HEXIM2: variants seen among roughly 807,000 people sequenced by gnomAD.
The protein encoded by HEXIM2 is protein HEXIM2.
For synonymous variants in HEXIM2, 159 were observed against 162.7 expected (o/e 0.98, Z 0.17); for missense variants, 413 against 390.8 (o/e 1.06, Z -0.48).
chr17:45,160,965 C>T, upstream of HEXIM2: 1 of 1,289,416 alleles, frequency 7.8e-7, no homozygotes, highest in Non-Finnish European at 1.0e-6. Context: ...GCACTGGGAT[C>T]TCCGCTCTCG....
rs773266071 is a variant in HEXIM2, at chr17:45,168,998, C to T, written c.67-17C>T. ...CAGGCTGTCTGATCCATCCTTCTTC[C>T]TCCTCCCTCTCTTTAGACCTCTGGT... is the stretch of plus-strand genomic sequence containing the variant. On this transcript the variant is annotated splice_polypyrimidine_tract_variant and intron_variant, in intron 3 of 3. Coordinates refer to ENST00000589230, the MANE Select transcript of HEXIM2 (RefSeq NM_001303441.2). 31 of 1,580,476 alleles carry T rather than the reference C, an allele frequency of 2.0e-5. No individual in the cohort carries two copies. In the South Asian group the frequency reaches 3.0e-4, roughly 15 times the overall value.
rs1345852600 is a variant in HEXIM2 at position 45,162,805 on chromosome 17, T to A, written c.12T>A (p.Thr4=). Residue 4 remains threonine (T), a synonymous_variant, in exon 3 of 4, where the codon ACT becomes ACA. Transcript: ENST00000589230. Reference sequence around the variant, plus strand: ...ATTTGGAACAGAAGATGATGGCCACTCCGAACCAGACCGCCTGTAATGCAG... The same window carrying A: ...ATTTGGAACAGAAGATGATGGCCACACCGAACCAGACCGCCTGTAATGCAG... MMA[T]PNQTACNAES... is the part of the protein sequence containing the mutation. 11 of 1,613,760 alleles carry A rather than the reference T, an allele frequency of 6.8e-6. No individual in the cohort carries two copies. In the Admixed American group the frequency reaches 1.7e-4, roughly 24 times the overall value.
At chr17:45,167,404 T>G (rs921993657) in intron 3 of HEXIM2, among the ~76,000 whole-genome samples, 2 of 152,130 alleles carry the variant, frequency 1.3e-5, no homozygotes, top group Admixed American at 1.3e-4. Context: ...TGGGGCCCAG[T>G]GCAAAAGGGC....
intron 3 of HEXIM2, among the ~76,000 whole-genome samples, chr17:45,164,043 G>A (rs914770998): frequency 2.0e-5 from 3 of 150,938 alleles, no homozygotes; most frequent in African/African-American, 4.9e-5. Flanking sequence ...TAATCCCAGC[G>A]ACTCAGGAGG....
intron 3 of HEXIM2, among the ~76,000 whole-genome samples, chr17:45,167,024 CAA>C (rs58258565): frequency 0.23 from 15,394 of 67,140 alleles, 972 homozygotes; most frequent in Middle Eastern, 0.32. Flanking sequence ...GACTCTGTCT[CAA>C]AAAAAAAAAA....
upstream of HEXIM2, chr17:45,160,710 C>T: frequency 5.2e-6 from 2 of 382,536 alleles, no homozygotes; most frequent in South Asian, 3.8e-5. Flanking sequence ...ACACTTTAGG[C>T]GTTTCACCAA....
chr17:45,166,422 C>T (rs1239894693), intron 3 of HEXIM2, among the ~76,000 whole-genome samples: 4 of 152,192 alleles, frequency 2.6e-5, no homozygotes, highest in Admixed American at 1.3e-4. Flanking sequence ...CCACTACACC[C>T]GGCCGTAAGT....
intron 3 of HEXIM2, among the ~76,000 whole-genome samples, chr17:45,165,856 G>A (rs886872719): frequency 3.3e-5 from 5 of 151,854 alleles, no homozygotes; most frequent in Admixed American, 1.3e-4. Flanking sequence ...GTGCAGTGGC[G>A]TGATCTCGCC....
chr17:45,161,745 C>A, upstream of HEXIM2: 1 of 753,272 alleles, frequency 1.3e-6, no homozygotes, highest in Non-Finnish European at 1.6e-6. Context: ...GTGATGCGCG[C>A]GCGGTCTGCC....
At position 45,162,818 on chromosome 17, in the gene HEXIM2, G is replaced by T. The variant is rs532271007; in HGVS notation, c.25G>T (p.Ala9Ser). The T allele has an allele frequency of 2.9e-5, 46 of 1,613,782 alleles. No individual in the cohort carries two copies. The highest frequency in any genetic ancestry group is 3.9e-5 in the Non-Finnish European group (46 of 1,179,956). The stretch of plus-strand genomic sequence containing the variant: ...GATGATGGCCACTCCGAACCAGACC[G>T]CCTGTAATGCAGAGTCACCAGTGGC... MMATPNQT[A>S]CNAESPVALE... The change falls in exon 3 of 4, where the codon GCC (alanine) becomes TCC (serine). Residue 9 changes from alanine to serine, a missense_variant. By Grantham distance (99) the Ala-to-Ser change is moderately conservative (BLOSUM62 1). Coordinates refer to ENST00000589230, the MANE Select transcript of HEXIM2 (RefSeq NM_001303441.2).
chr17:45,167,835 A>G (rs778729906), intron 3 of HEXIM2, among the ~76,000 whole-genome samples: 1 of 151,246 alleles, frequency 6.6e-6, no homozygotes, highest in African/African-American at 2.4e-5. Context: ...TGACCTCGTG[A>G]TTCACCCATC....
At chr17:45,166,979 C>T (rs1342828295) in intron 3 of HEXIM2, among the ~76,000 whole-genome samples, 14 of 103,712 alleles carry the variant, frequency 1.3e-4, no homozygotes, top group African/African-American at 4.0e-4. Flanking sequence ...GAGCTGAGGT[C>T]GGGCCACTGC....
At chr17:45,162,347 C>T (rs924668094) in intron 1 of HEXIM2, 141 bp from the exon 2 acceptor site, 4 of 479,630 alleles carry the variant, frequency 8.3e-6, no homozygotes, top group Admixed American at 5.2e-5. Flanking sequence ...CGTGAGCTTG[C>T]TCCATGTTCT....
Position 45,169,175 on chromosome 17 carries a change from G to A in HEXIM2, c.227G>A (p.Ser76Asn), listed in dbSNP as rs375887446. The A allele has an allele frequency of 2.5e-6, 4 of 1,613,762 alleles. No individual in the cohort carries two copies. The highest frequency in any genetic ancestry group is 3.4e-6 in the Non-Finnish European group (4 of 1,180,036). Residue 76 changes from serine (S) to asparagine (N), a missense_variant, in exon 4 of 4, where the codon AGC becomes AAC. Coordinates refer to ENST00000589230, the MANE Select transcript of HEXIM2 (RefSeq NM_001303441.2). ...GWNSRSPRTQ[S>N]PGGCSAEAVL... The stretch of plus-strand genomic sequence containing the variant: ...AACAGTAGGAGTCCCCGGACCCAGA[G>A]CCCAGGGGGCTGCTCAGCGGAGGCT...
chr17:45,164,044 A>G (rs1167957764), intron 3 of HEXIM2, among the ~76,000 whole-genome samples: 1 of 151,778 alleles, frequency 6.6e-6, no homozygotes. Context: ...AATCCCAGCG[A>G]CTCAGGAGGC....
At chr17:45,168,782 T>G in intron 3 of HEXIM2, 2 of 541,276 alleles carry the variant, frequency 3.7e-6, no homozygotes, top group Non-Finnish European at 6.6e-6. Flanking sequence ...AATTACAGAG[T>G]GAAACACACA....
In HEXIM2 at chr17:45,169,559, G is replaced by A. The variant is rs200888637; in HGVS notation, c.611G>A (p.Ser204Asn). 1.9e-6 allele frequency: 3 copies of A among 1,558,604 alleles called. No individual in the cohort carries two copies. The highest frequency in any genetic ancestry group is 2.0e-5 in the Admixed American group (1 of 51,124). The change falls in exon 4 of 4, where the codon AGC becomes AAC. Residue 204 changes from serine (S) to asparagine (N), a missense_variant. Coordinates refer to ENST00000589230, the MANE Select transcript of HEXIM2 (RefSeq NM_001303441.2). ...ACTTACGAACGCTTCCACACCGAGAGCCTGCAGGGCCGCAGCAAGCAGGAG... is the reference window on the plus strand; with the variant it reads ...ACTTACGAACGCTTCCACACCGAGAACCTGCAGGGCCGCAGCAAGCAGGAG... ...SETYERFHTE[S>N]LQGRSKQELV...
chr17:45,161,081 C>A, upstream of HEXIM2: 2 of 602,446 alleles, frequency 3.3e-6, no homozygotes, highest in Non-Finnish European at 5.5e-6. Flanking sequence ...CCTCTCCAGT[C>A]GAAGTGGGAG....
Position 45,169,028 on chromosome 17 carries a change from C to G in HEXIM2, c.80C>G (p.Pro27Arg), listed in dbSNP as rs773017611. The change falls in exon 4 of 4, where the codon CCG (proline) becomes CGG (arginine). Residue 27 changes from proline to arginine, a missense_variant. Physicochemically the swap from Pro to Arg is moderately radical, Grantham distance 103. Coordinates refer to ENST00000589230, the MANE Select transcript of HEXIM2 (RefSeq NM_001303441.2). ...CCCTCTCTTTAGACCTCTGGTGCCCCGGGGAGCCCCCAAACACCCCCTGAG... is the reference window on the plus strand; with the variant it reads ...CCCTCTCTTTAGACCTCTGGTGCCCGGGGGAGCCCCCAAACACCCCCTGAG... The part of the protein sequence containing the change: ...ALEEAKTSGA[P>R]GSPQTPPERH... 6.2e-7 allele frequency: 1 copy of G among 1,609,852 alleles called. No individual in the cohort carries two copies. The highest frequency in any genetic ancestry group is 2.2e-5 in the East Asian group (1 of 44,830).
Sources: gnomAD v4.1 joint callset for allele counts (sites outside exome capture counted in the v4.1 genomes callset) on GRCh38, gnomAD v4.1.1 for gene constraint, MANE v1.5 for transcripts, NCBI Gene and HGNC (gene_info 2026-07-23, HGNC 2026-07-21) for gene names.